Variants in UCHL3 observed in about 807,000 individuals in gnomAD.
The protein encoded by UCHL3 is ubiquitin C-terminal hydrolase L3.
Under a neutral mutation model 35.8 loss-of-function variants are expected in UCHL3, and 22 were observed. The ratio of observed to expected loss-of-function variants is 0.61; its 90% confidence interval spans 0.44 to 0.88. UCHL3 has a LOEUF of 0.88. Ranked by LOEUF, UCHL3 falls within the 40% of genes least tolerant of loss-of-function variation. The probability of loss-of-function intolerance (pLI) is 0.00; values close to 1 mark genes in which losing one functional copy is unlikely to be tolerated. For synonymous variants in UCHL3, 90 were observed against 92.8 expected (o/e 0.97, Z 0.17); for missense variants, 229 against 276.9 (o/e 0.83, Z 1.23).
chr13:75,554,670 A>T (rs186542575), intron 2 of UCHL3, among the ~76,000 whole-genome samples: 2 of 152,334 alleles, frequency 1.3e-5, no homozygotes, highest in East Asian at 3.9e-4. Context: ...CCTTAAATAA[A>T]TGAGAATCAC....
In UCHL3 at chr13:75,592,441, T is replaced by TACAC. The variant is rs1307738393; in HGVS notation, c.475-2473_475-2472insCACA. ...ATATATATATATATATATATATATA[T>TACAC]ATATATATATATATATATATATATA... On this transcript the variant is annotated intron_variant, in intron 6 of 8. Coordinates refer to ENST00000377595, the MANE Select transcript of UCHL3 (RefSeq NM_006002.5). Among the ~76,000 whole-genome samples the TACAC allele has an allele frequency of 5.5e-3, 589 of 106,726 alleles. 15 individuals are homozygous for TACAC. The highest frequency in any genetic ancestry group is 0.02 in the African/African-American group (549 of 28,004). 70.0% of individuals were successfully genotyped at this position (106,726 alleles called of 152,430 possible). A position where few individuals can be genotyped will look rare whatever the true frequency, so the allele number is the denominator to read the frequency against.
At chr13:75,577,264 A>G (rs2032052048) in intron 6 of UCHL3, among the ~76,000 whole-genome samples, 1 of 152,124 alleles carries the variant, frequency 6.6e-6, no homozygotes, top group Admixed American at 6.6e-5. Context: ...AAGAGAAAAA[A>G]TATTTGGAAA....
At chr13:75,583,669 A>C (rs1234324040) in intron 6 of UCHL3, among the ~76,000 whole-genome samples, 3 of 152,182 alleles carry the variant, frequency 2.0e-5, no homozygotes, top group Non-Finnish European at 4.4e-5. Flanking sequence ...TTTTCACTAA[A>C]GCGTAATTGT....
At chr13:75,557,824 TAGAA>T (rs571926465) in intron 2 of UCHL3, among the ~76,000 whole-genome samples, 120 of 152,276 alleles carry the variant, frequency 7.9e-4, no homozygotes, top group African/African-American at 2.7e-3. Context: ...TACTAGAAAA[TAGAA>T]AGGTGGATTC....
At chr13:75,586,118 C>T (rs1210339030) in intron 6 of UCHL3, among the ~76,000 whole-genome samples, 1 of 151,690 alleles carries the variant, frequency 6.6e-6, no homozygotes, top group Admixed American at 6.6e-5. Flanking sequence ...ATGCTGTTTA[C>T]AAGAAAGTCA....
chr13:75,597,390 G>A (rs961068887), intron 7 of UCHL3, among the ~76,000 whole-genome samples: 2 of 151,796 alleles, frequency 1.3e-5, no homozygotes, highest in African/African-American at 2.4e-5. Flanking sequence ...AAGAAAAGAA[G>A]ACACTATATA....
At chr13:75,566,315 C>T (rs758044233) in intron 3 of UCHL3, among the ~76,000 whole-genome samples, 4 of 152,232 alleles carry the variant, frequency 2.6e-5, no homozygotes, top group African/African-American at 4.8e-5. Context: ...TATTCTATTA[C>T]GATATGCCAT....
intron 6 of UCHL3, among the ~76,000 whole-genome samples, chr13:75,572,276 T>C (rs2031886600): frequency 6.6e-6 from 1 of 152,214 alleles, no homozygotes; most frequent in Admixed American, 6.5e-5. Context: ...TGGTTATATT[T>C]TATCATTTAT....
intron 6 of UCHL3, among the ~76,000 whole-genome samples, chr13:75,593,247 T>G (rs1029542009): frequency 2.6e-5 from 4 of 152,158 alleles, no homozygotes; most frequent in African/African-American, 9.7e-5. Context: ...ATTATAGAAT[T>G]AAAGTTACAG....
chr13:75,574,524 C>T (rs2031963242), intron 6 of UCHL3, among the ~76,000 whole-genome samples: 1 of 152,156 alleles, frequency 6.6e-6, no homozygotes, highest in South Asian at 2.1e-4. Flanking sequence ...TGTATACTGA[C>T]TCCACTGCTT....
intron 2 of UCHL3, among the ~76,000 whole-genome samples, chr13:75,559,330 G>A (rs1275526400): frequency 7.0e-6 from 1 of 142,200 alleles, no homozygotes; most frequent in Non-Finnish European, 1.5e-5. Context: ...GTGAGCCACC[G>A]CGCCCGGCCC....
At chr13:75,568,236 G>A (rs553392304) in intron 5 of UCHL3, among the ~76,000 whole-genome samples, 15 of 151,866 alleles carry the variant, frequency 9.9e-5, no homozygotes, top group Non-Finnish European at 1.5e-4. Context: ...GAAATTAGGC[G>A]TATAATCTAC....
At chr13:75,553,296 T>C (rs2031178450) in intron 2 of UCHL3, among the ~76,000 whole-genome samples, 2 of 152,212 alleles carry the variant, frequency 1.3e-5, no homozygotes, top group African/African-American at 2.4e-5. Flanking sequence ...CTCACATTCT[T>C]TTCCTTATTC....
At chr13:75,605,431 C>A (rs1007894693) in intron 8 of UCHL3, among the ~76,000 whole-genome samples, 4 of 152,052 alleles carry the variant, frequency 2.6e-5, no homozygotes, top group East Asian at 3.9e-4. Context: ...TTGCTTGAAC[C>A]CGGAAGGCAG....
intron 5 of UCHL3, among the ~76,000 whole-genome samples, chr13:75,568,450 TA>T (rs2031753045): frequency 1.3e-5 from 2 of 151,636 alleles, no homozygotes; most frequent in Admixed American, 6.6e-5. Flanking sequence ...GAGAGGTAGA[TA>T]AACATTAATA....
chr13:75,604,905 C>T, intron 8 of UCHL3, 78 bp downstream of exon 8: 4 of 1,257,834 alleles, frequency 3.2e-6, no homozygotes, highest in Non-Finnish European at 4.3e-6. Context: ...ACTTGCATAA[C>T]ATTTTCTTTG....
chr13:75,568,338 G>T (rs1206804775), intron 5 of UCHL3, among the ~76,000 whole-genome samples: 2 of 151,706 alleles, frequency 1.3e-5, no homozygotes. Flanking sequence ...AATATACTTT[G>T]AGAATTTTAA....
intron 6 of UCHL3, among the ~76,000 whole-genome samples, chr13:75,575,902 C>T (rs2032006057): frequency 6.6e-6 from 1 of 152,082 alleles, no homozygotes; most frequent in Non-Finnish European, 1.5e-5. Flanking sequence ...CAGGTGTGTG[C>T]CACCACACCC....
chr13:75,602,464 C>A (rs1348162249), intron 7 of UCHL3, among the ~76,000 whole-genome samples: 1 of 152,186 alleles, frequency 6.6e-6, no homozygotes. Flanking sequence ...GGTTACATGA[C>A]CCATGTACAA....
Sources: allele counts gnomAD v4.1 joint callset (sites outside exome capture counted in the v4.1 genomes callset), GRCh38; gene constraint gnomAD v4.1.1; transcripts MANE v1.5; gene names NCBI Gene and HGNC (gene_info 2026-07-23, HGNC 2026-07-21).